Variants in TRHDE observed in about 807,000 individuals in gnomAD.
The protein encoded by TRHDE is thyrotropin-releasing hormone-degrading ectoenzyme.
TRHDE carries 72 observed loss-of-function variants against 125.7 expected under a neutral mutation model. The ratio of observed to expected loss-of-function variants is 0.57; its 90% CI spans 0.47 to 0.70. The LOEUF (loss-of-function observed/expected upper bound fraction) is 0.70. TRHDE is among the 30% of genes least tolerant of loss of function. The probability of loss-of-function intolerance (pLI) is 0.00; values close to 1 mark genes in which losing one functional copy is unlikely to be tolerated. For synonymous variants in TRHDE, 509 were observed against 509.1 expected (o/e 1.00, Z 0.00); for missense variants, 1,110 against 1,327.1 (o/e 0.84, Z 2.54).
chr12:72,515,394 G>C (rs1455427071), intron 6 of TRHDE, among the ~76,000 whole-genome samples: 32 of 149,254 alleles, frequency 2.1e-4, no homozygotes, highest in Non-Finnish European at 4.3e-4. Flanking sequence ...GCCAGTGATG[G>C]TGAGCATTTT....
At chr12:72,418,221 G>A (rs1873809673) in intron 3 of TRHDE, among the ~76,000 whole-genome samples, 1 of 151,902 alleles carries the variant, frequency 6.6e-6, no homozygotes, top group Non-Finnish European at 1.5e-5. Context: ...CATTACTTCA[G>A]TGTTTCTCTT....
chr12:72,278,655 T>C (rs752073944), intron 1 of TRHDE, among the ~76,000 whole-genome samples: 24 of 152,184 alleles, frequency 1.6e-4, no homozygotes, highest in Non-Finnish European at 3.1e-4. Context: ...CAGGTGTGAG[T>C]TGACATCTCA....
chr12:72,393,207 CTAA>C (rs576017664), intron 3 of TRHDE, among the ~76,000 whole-genome samples: 183 of 152,282 alleles, frequency 1.2e-3, no homozygotes, highest in Middle Eastern at 0.01. Flanking sequence ...TCTGCAACCT[CTAA>C]TAATGCTTCA....
chr12:72,173,958 G>A (rs1479957377), intron 2 of TRHDE, among the ~76,000 whole-genome samples: 1 of 152,074 alleles, frequency 6.6e-6, no homozygotes, highest in Admixed American at 6.6e-5. Flanking sequence ...TATGCATGTC[G>A]TTTTATAATA....
At chr12:72,175,600 A>T (rs555241476) in intron 2 of TRHDE, among the ~76,000 whole-genome samples, 16 of 152,304 alleles carry the variant, frequency 1.1e-4, no homozygotes, top group African/African-American at 3.6e-4. Context: ...ACAGCTTCTT[A>T]GTTCTCAGAG....
At chr12:72,251,420 G>C (rs947284552) in intron 2 of TRHDE, among the ~76,000 whole-genome samples, 1 of 102,604 alleles carries the variant, frequency 9.7e-6, no homozygotes, top group African/African-American at 3.5e-5. Flanking sequence ...TTGGAATTGG[G>C]GCTTTTTTTT....
Position 72,286,966 on chromosome 12 carries a change from C to A in TRHDE, c.1188+12C>A. 1 of 1,610,472 alleles carries A rather than the reference C, an allele frequency of 6.2e-7. No homozygotes were observed. The highest frequency in any genetic ancestry group is 8.5e-7 in the Non-Finnish European group (1 of 1,178,384). On this transcript the variant is annotated intron_variant, in intron 2 of 18. Coordinates refer to ENST00000261180, the MANE Select transcript of TRHDE (RefSeq NM_013381.3). ...AGAGTGGGGTTGTAGTAAGTATTTT[C>A]AGCTTAATGATGTTTTTGGATAATG...
intron 13 of TRHDE, among the ~76,000 whole-genome samples, chr12:72,620,285 C>T (rs1244125159): frequency 7.5e-6 from 1 of 133,438 alleles, no homozygotes; most frequent in African/African-American, 2.9e-5. Flanking sequence ...ATTCAAGAAG[C>T]ACATTAAAGT....
intron 6 of TRHDE, among the ~76,000 whole-genome samples, chr12:72,537,012 G>A (rs1211131265): frequency 1.3e-5 from 2 of 151,994 alleles, no homozygotes; most frequent in East Asian, 3.9e-4. Context: ...GATCACAAGA[G>A]GTCATCTAAA....
intron 3 of TRHDE, among the ~76,000 whole-genome samples, chr12:72,429,338 CATAATAATAATAATA>C (rs57170664): frequency 1.4e-5 from 2 of 143,394 alleles, no homozygotes; most frequent in East Asian, 4.0e-4. Flanking sequence ...GAATTTAAAG[CATAATAATAATAATA>C]ATAATAATAA....
intron 3 of TRHDE, among the ~76,000 whole-genome samples, chr12:72,436,720 G>C (rs941805287): frequency 6.6e-6 from 1 of 151,792 alleles, no homozygotes; most frequent in Non-Finnish European, 1.5e-5. Context: ...CTGAAGAACC[G>C]AGAGTAATTT....
At position 72,309,290 on chromosome 12, in the gene TRHDE, G is replaced by T. The variant is rs556311266; in HGVS notation, c.1188+22336G>T. 2.1e-3 allele frequency among the ~76,000 whole-genome samples: 317 copies of T among 152,288 alleles called. 4 individuals are homozygous for T. Among genetic ancestry groups the T allele is most frequent in the African/African-American group, 7.3e-3 (305 of 41,558 alleles). On this transcript the variant is annotated intron_variant, in intron 2 of 18. Transcript: ENST00000261180. ...GATCGTCTACTCTTTCAAGCTGTTT[G>T]TGAAGAGAAAGTGTGAGAAAGAGAG...
chr12:72,413,200 C>T (rs1026650947), intron 3 of TRHDE, among the ~76,000 whole-genome samples: 5 of 151,998 alleles, frequency 3.3e-5, no homozygotes, highest in African/African-American at 1.2e-4. Context: ...CCAGGCAATT[C>T]TATGGCATAA....
At chr12:72,601,468 G>C (rs1444999945) in intron 12 of TRHDE, among the ~76,000 whole-genome samples, 1 of 152,072 alleles carries the variant, frequency 6.6e-6, no homozygotes, top group Non-Finnish European at 1.5e-5. Flanking sequence ...CATAAAACTT[G>C]CTTGATTAAG....
intron 2 of TRHDE, among the ~76,000 whole-genome samples, chr12:72,246,793 C>T (rs1360057502): frequency 6.6e-6 from 1 of 152,080 alleles, no homozygotes; most frequent in Non-Finnish European, 1.5e-5. Context: ...ACAAATTGTT[C>T]CTATAAGCAC....
At position 72,379,396 on chromosome 12, in the gene TRHDE, T is replaced by G. The variant is rs531141486; in HGVS notation, c.1315+1275T>G. On this transcript the variant is annotated intron_variant, in intron 3 of 18. Coordinates refer to ENST00000261180, the MANE Select transcript of TRHDE (RefSeq NM_013381.3). ...TTTTCCTTCTCTTTTCTCCCTGTAT[T>G]TCAACTTCCCTGTTAGAATCTGTTA... Among the ~76,000 whole-genome samples, 15 of 152,354 alleles carry G rather than the reference T, an allele frequency of 9.8e-5. No homozygotes were observed. In the East Asian group the frequency reaches 2.7e-3, roughly 27 times the overall value.
At chr12:72,565,851 G>GA (rs1181727132) in intron 9 of TRHDE, among the ~76,000 whole-genome samples, 47 of 151,768 alleles carry the variant, frequency 3.1e-4, no homozygotes, top group Admixed American at 8.5e-4. Context: ...AACTGTTAAA[G>GA]AAAAAAATAT....
chr12:72,620,834 GTCA>G (rs1164933468), intron 13 of TRHDE, among the ~76,000 whole-genome samples: 5 of 152,024 alleles, frequency 3.3e-5, no homozygotes, highest in African/African-American at 1.2e-4. Flanking sequence ...TGTTACAAAA[GTCA>G]TCATCTAAAA....
intron 3 of TRHDE, among the ~76,000 whole-genome samples, chr12:72,465,844 G>T (rs1244815936): frequency 6.6e-6 from 1 of 152,126 alleles, no homozygotes; most frequent in Non-Finnish European, 1.5e-5. Context: ...CGGTTATAAG[G>T]TTAGTAGCAT....
Sources: allele counts gnomAD v4.1 joint callset (sites outside exome capture counted in the v4.1 genomes callset), GRCh38; gene constraint gnomAD v4.1.1; transcripts MANE v1.5; gene names NCBI Gene and HGNC (gene_info 2026-07-23, HGNC 2026-07-21).